Variants in DPYD observed in about 807,000 individuals in gnomAD.
DPYD encodes the protein dihydropyrimidine dehydrogenase.
A neutral mutation model predicts 116.2 loss-of-function variants in DPYD; 109 were observed. The observed-to-expected ratio is 0.94, with a 90% CI of 0.80 to 1.10. DPYD has a LOEUF of 1.10. DPYD is among the 50% of genes least tolerant of loss of function. The pLI, the probability that DPYD is intolerant of heterozygous loss-of-function variation, is 0.00. For missense variants in DPYD, 1,302 were observed against 1,254.5 expected (o/e 1.04, Z -0.57); for synonymous variants, 440 against 432.0 (o/e 1.02, Z -0.23).
chr1:97,543,902 G>C (rs1408100647), intron 12 of DPYD, among the ~76,000 whole-genome samples: 1 of 152,128 alleles, frequency 6.6e-6, no homozygotes, highest in Non-Finnish European at 1.5e-5. Context: ...CAAACTCCCT[G>C]GACGAGGAGG....
chr1:97,272,816 A>T (rs1025487915), intron 18 of DPYD, among the ~76,000 whole-genome samples: 1 of 152,120 alleles, frequency 6.6e-6, no homozygotes, highest in African/African-American at 2.4e-5. Flanking sequence ...ATATTGAACA[A>T]TCAGAACCCT....
chr1:97,306,817 A>G (rs1667202479), intron 16 of DPYD, among the ~76,000 whole-genome samples: 1 of 151,998 alleles, frequency 6.6e-6, no homozygotes, highest in Admixed American at 6.6e-5. Context: ...GATATATAGT[A>G]TATGCAAATA....
chr1:97,262,461 C>A (rs914974696), intron 18 of DPYD, among the ~76,000 whole-genome samples: 1 of 152,048 alleles, frequency 6.6e-6, no homozygotes, highest in African/African-American at 2.4e-5. Context: ...TAGTAATTAA[C>A]AATTCGTTCT....
intron 18 of DPYD, among the ~76,000 whole-genome samples, chr1:97,248,665 T>A (rs755134251): frequency 9.9e-5 from 15 of 152,152 alleles, no homozygotes; most frequent in Non-Finnish European, 2.2e-4. Context: ...CCATCCGTGA[T>A]GAGAACTGTA....
chr1:97,767,989 A>G (rs1267337696), intron 3 of DPYD, among the ~76,000 whole-genome samples: 2 of 152,136 alleles, frequency 1.3e-5, no homozygotes, highest in African/African-American at 2.4e-5. Context: ...TAGAAAATCC[A>G]CTACTGCAAT....
At chr1:97,918,291 A>G (rs1571584156) in intron 1 of DPYD, among the ~76,000 whole-genome samples, 1 of 152,142 alleles carries the variant, frequency 6.6e-6, no homozygotes, top group Middle Eastern at 3.2e-3. Context: ...TCCATGTGCA[A>G]TTCAGAGAGG....
intron 19 of DPYD, among the ~76,000 whole-genome samples, chr1:97,222,187 C>T (rs930482989): frequency 1.3e-5 from 2 of 151,986 alleles, no homozygotes; most frequent in East Asian, 1.9e-4. Context: ...GAAGTCAGAC[C>T]GTTAATTAGT....
At chr1:97,124,447 C>T (rs1443929610) in intron 20 of DPYD, among the ~76,000 whole-genome samples, 1 of 151,822 alleles carries the variant, frequency 6.6e-6, no homozygotes, top group Non-Finnish European at 1.5e-5. Context: ...CTACAGTTAC[C>T]CAAAAAAACA....
chr1:97,201,639 T>G (rs75215924), intron 19 of DPYD, among the ~76,000 whole-genome samples: 9 of 152,180 alleles, frequency 5.9e-5, no homozygotes, highest in Non-Finnish European at 1.2e-4. Context: ...TATTTGTATA[T>G]TCACATAAAA....
At chr1:97,406,953 G>T (rs1310357216) in intron 14 of DPYD, among the ~76,000 whole-genome samples, 1 of 152,028 alleles carries the variant, frequency 6.6e-6, no homozygotes, top group African/African-American at 2.4e-5. Context: ...TATTTAAAAG[G>T]TCATGATATA....
At chr1:97,123,986 T>A (rs958649648) in intron 20 of DPYD, among the ~76,000 whole-genome samples, 1 of 152,148 alleles carries the variant, frequency 6.6e-6, no homozygotes, top group African/African-American at 2.4e-5. Flanking sequence ...TGAAGTTCTA[T>A]CTCTCTGCAT....
At chr1:97,901,588 A>G (rs1328523371) in intron 1 of DPYD, among the ~76,000 whole-genome samples, 1 of 151,848 alleles carries the variant, frequency 6.6e-6, no homozygotes, top group Non-Finnish European at 1.5e-5. Flanking sequence ...ACAATTTGTG[A>G]TTATAAGGGG....
intron 8 of DPYD, among the ~76,000 whole-genome samples, chr1:97,617,756 C>G (rs1656379284): frequency 6.6e-6 from 1 of 152,162 alleles, no homozygotes; most frequent in Non-Finnish European, 1.5e-5. Context: ...TCTGCAGCAT[C>G]AGCACCATGT....
chr1:97,118,687 A>G (rs1652179631), intron 20 of DPYD, among the ~76,000 whole-genome samples: 2 of 152,174 alleles, frequency 1.3e-5, no homozygotes, highest in Admixed American at 6.6e-5. Flanking sequence ...CAGATTCAAA[A>G]ATTAACTCTT....
chr1:97,114,436 T>G (rs1482421470), intron 20 of DPYD, among the ~76,000 whole-genome samples: 1 of 152,208 alleles, frequency 6.6e-6, no homozygotes, highest in Admixed American at 6.6e-5. Flanking sequence ...TATTTGTTCC[T>G]TCAAAGAAAC....
At chr1:97,311,370 T>C (rs1460522598) in intron 16 of DPYD, among the ~76,000 whole-genome samples, 1 of 151,708 alleles carries the variant, frequency 6.6e-6, no homozygotes, top group Non-Finnish European at 1.5e-5. Flanking sequence ...TTCATTGGAT[T>C]TCATTCAAGA....
At chr1:97,657,275 C>T (rs1236968369) in intron 8 of DPYD, among the ~76,000 whole-genome samples, 1 of 152,004 alleles carries the variant, frequency 6.6e-6, no homozygotes, top group Non-Finnish European at 1.5e-5. Context: ...AGCCTGTATT[C>T]TTTAGGACCT....
chr1:97,918,808 G>A (rs1258014743), intron 1 of DPYD, among the ~76,000 whole-genome samples: 4 of 152,102 alleles, frequency 2.6e-5, no homozygotes, highest in Non-Finnish European at 5.9e-5. Flanking sequence ...TTATCAATGT[G>A]TTCTTATCAC....
intron 16 of DPYD, among the ~76,000 whole-genome samples, chr1:97,313,685 C>A (rs1004193848): frequency 6.6e-6 from 1 of 151,766 alleles, no homozygotes; most frequent in East Asian, 2.0e-4. Context: ...TTGAATAACA[C>A]CCTTCAACGC....
Sources: allele counts gnomAD v4.1 joint callset (sites outside exome capture counted in the v4.1 genomes callset), GRCh38; gene constraint gnomAD v4.1.1; transcripts MANE v1.5; gene names NCBI Gene and HGNC (gene_info 2026-07-23, HGNC 2026-07-21).